Variants in IFT140 observed in about 807,000 individuals in gnomAD.
IFT140 encodes intraflagellar transport 140.
A neutral mutation model predicts 164.6 loss-of-function variants in IFT140; 133 were observed. The ratio of observed to expected loss-of-function variants is 0.81; its 90% confidence interval spans 0.70 to 0.93. The LOEUF (loss-of-function observed/expected upper bound fraction) is 0.93, where lower values mean the gene tolerates loss of function less well. Among genes scored for constraint, IFT140 ranks in the 40% least tolerant of loss-of-function variants. IFT140 has a pLI of 0.00. For synonymous variants in IFT140, 860 were observed against 817.3 expected (o/e 1.05, Z -0.89); for missense variants, 2,045 against 1,972.3 (o/e 1.04, Z -0.70).
intron 19 of IFT140, among the ~76,000 whole-genome samples, chr16:1,529,797 G>C (rs949460847): frequency 2.6e-5 from 4 of 152,206 alleles, no homozygotes; most frequent in African/African-American, 9.7e-5. Context: ...CAGCTGCCCC[G>C]TGCTGAGACA....
intron 18 of IFT140, among the ~76,000 whole-genome samples, chr16:1,559,977 AAC>A (rs2033315240): frequency 6.6e-6 from 1 of 152,250 alleles, no homozygotes; most frequent in Admixed American, 6.5e-5. Context: ...GAGAGAAAAG[AAC>A]AGATGCATGA....
rs2034934558 is a variant in IFT140, at chr16:1,587,255, T to C, written c.952A>G (p.Lys318Glu). 3.1e-6 allele frequency: 5 copies of C among 1,613,214 alleles called. No individual in the cohort carries two copies. Among genetic ancestry groups the C allele is most frequent in the Non-Finnish European group, 4.2e-6 (5 of 1,179,336 alleles). ...GENYILSPDE[K>E]FGFEKGENMN... ...TTCTCTCCTTTCTCAAAGCCAAACT[T>C]CTCATCTGGACTCAGTATATAATTC... The change falls in exon 9 of 31, where the codon AAG becomes GAG. Residue 318 changes from lysine (K) to glutamate (E), a missense_variant. Transcript: ENST00000426508.
chr16:1,602,247 G>T, intron 4 of IFT140, 123 bp downstream of exon 4: 1 of 861,692 alleles, frequency 1.2e-6, no homozygotes, highest in Non-Finnish European at 1.8e-6. Flanking sequence ...ATCTACAATT[G>T]CATCTGACAA....
At chr16:1,598,966 G>A (rs1437588281) in intron 4 of IFT140, among the ~76,000 whole-genome samples, 1 of 143,060 alleles carries the variant, frequency 7.0e-6, no homozygotes, top group Admixed American at 6.9e-5. Flanking sequence ...TCTAGGAAGT[G>A]AGGAGCGCCT....
chr16:1,519,318 C>T (rs981418866), intron 29 of IFT140, among the ~76,000 whole-genome samples: 1 of 152,326 alleles, frequency 6.6e-6, no homozygotes, highest in Admixed American at 6.5e-5. Flanking sequence ...GAGTGCCCAC[C>T]GTGGTGGCCA....
chr16:1,598,733 C>CA (rs2141993671), intron 4 of IFT140, among the ~76,000 whole-genome samples: 1 of 152,390 alleles, frequency 6.6e-6, no homozygotes, highest in African/African-American at 2.4e-5. Context: ...CCATCTGCAC[C>CA]CCCTTCTTGG....
chr16:1,563,624 A>G (rs2033548023), intron 17 of IFT140, among the ~76,000 whole-genome samples: 1 of 152,038 alleles, frequency 6.6e-6, no homozygotes, highest in Non-Finnish European at 1.5e-5. Context: ...GCTTTTCTGC[A>G]TAGCTCAAAA....
chr16:1,586,554 A>C (rs1193199577), intron 9 of IFT140, among the ~76,000 whole-genome samples: 1 of 152,170 alleles, frequency 6.6e-6, no homozygotes, highest in Non-Finnish European at 1.5e-5. Context: ...CAGGCACTAG[A>C]GACGCGGCTC....
chr16:1,554,967 T>C, intron 19 of IFT140: 1 of 1,614,012 alleles, frequency 6.2e-7, no homozygotes, highest in Non-Finnish European at 8.5e-7. Context: ...CATCAGCCGC[T>C]CCCTGACAGC....
chr16:1,566,283 G>T lies in IFT140; in HGVS notation c.1779C>A (p.Asn593Lys). Reference sequence around the variant, plus strand: ...AGAAGCAGATTTTGGAATCAGGGCTGTTGTCAGCCTAGGAGAAGAGAAAAC... The same window carrying T: ...AGAAGCAGATTTTGGAATCAGGGCTTTTGTCAGCCTAGGAGAAGAGAAAAC... Reference protein sequence around the residue: ...TISILPSKADNSPDSKICFYD... With the variant: ...TISILPSKADKSPDSKICFYD... The change falls in exon 16 of 31, where the codon AAC (asparagine) becomes AAA (lysine). Residue 593 changes from asparagine to lysine, a missense_variant. Coordinates refer to ENST00000426508, the MANE Select transcript of IFT140 (RefSeq NM_014714.4). 1 of 1,613,404 alleles carries T rather than the reference G, an allele frequency of 6.2e-7. No homozygotes were observed. The highest frequency in any genetic ancestry group is 8.5e-7 in the Non-Finnish European group (1 of 1,179,456).
At position 1,553,381 on chromosome 16, in the gene IFT140, G is replaced by T. The variant is rs535097105; in HGVS notation, c.2399+4554C>A. ...CGATGCTGGGGCCACACAGGGCAGGGCATGATTTGGTTTCCTGGGGAATGC... is the reference window on the plus strand; with the variant it reads ...CGATGCTGGGGCCACACAGGGCAGGTCATGATTTGGTTTCCTGGGGAATGC... On this transcript the variant is annotated intron_variant, in intron 19 of 30. Coordinates refer to ENST00000426508, the MANE Select transcript of IFT140 (RefSeq NM_014714.4). This position sits in a 1 kb window ranked among gnomAD's most constrained non-coding sequence, Gnocchi z 4.4. 1.0e-6 allele frequency: 1 copy of T among 985,352 alleles called. No homozygotes were observed. Among genetic ancestry groups the T allele is most frequent in the African/African-American group, 1.7e-5 (1 of 57,334 alleles). The allele number at this position is 985,352 out of a possible 1,614,324, so 61.0% of individuals were successfully genotyped here. A position where few individuals can be genotyped will look rare whatever the true frequency, so the allele number is the denominator to read the frequency against.
chr16:1,523,800 C>T (rs961190410), intron 25 of IFT140, 28 bp downstream of exon 25: 1 of 1,609,012 alleles, frequency 6.2e-7, no homozygotes, highest in Non-Finnish European at 8.5e-7. Flanking sequence ...GCCCCTCCCC[C>T]AGGTCCCCAC....
At position 1,524,771 on chromosome 16, in the gene IFT140, G is replaced by A; in HGVS notation, c.2997+13C>T. 3 of 1,600,704 alleles carry A rather than the reference G, an allele frequency of 1.9e-6. No homozygotes were observed. Among genetic ancestry groups the A allele is most frequent in the Non-Finnish European group, 2.6e-6 (3 of 1,169,396 alleles). Reference sequence around the variant, plus strand: ...TCGTGTCCGCCTGGCCGGCTCCCCTGCGGGGACCTTACCTTCTGGACATTG... The same window carrying A: ...TCGTGTCCGCCTGGCCGGCTCCCCTACGGGGACCTTACCTTCTGGACATTG... On this transcript the variant is annotated intron_variant, in intron 23 of 30. Coordinates refer to ENST00000426508, the MANE Select transcript of IFT140 (RefSeq NM_014714.4).
chr16:1,512,945 T>C (rs542939750), intron 30 of IFT140: 4 of 152,334 alleles, frequency 2.6e-5, no homozygotes, highest in African/African-American at 9.6e-5. Context: ...GAGCTGACCT[T>C]TCAGCCCTGA....
intron 15 of IFT140, among the ~76,000 whole-genome samples, chr16:1,566,519 T>A (rs2033725954): frequency 6.6e-6 from 1 of 152,204 alleles, no homozygotes; most frequent in Admixed American, 6.5e-5. Context: ...TGGAGTGCAG[T>A]GGTGCGATCT....
Position 1,582,693 on chromosome 16 carries a change from C to G in IFT140, c.1432+621G>C, listed in dbSNP as rs150918746. Among the ~76,000 whole-genome samples, 16 of 152,354 alleles carry G rather than the reference C, an allele frequency of 1.1e-4. No homozygotes were observed. The East Asian group carries it at 3.1e-3, about 29-fold the overall frequency. On this transcript the variant is annotated intron_variant, in intron 12 of 30. Transcript: ENST00000426508. ...CCGAGGCAGGCAAATCACCTGAGGT[C>G]AGGAGTTCGAGACCAGCCTGGCCAA...
chr16:1,586,625 A>T (rs1042507919), intron 9 of IFT140, among the ~76,000 whole-genome samples: 1 of 134,016 alleles, frequency 7.5e-6, no homozygotes, highest in Non-Finnish European at 1.6e-5. Context: ...ACACACATGC[A>T]TGCACACACA....
chr16:1,510,744 G>C lies in IFT140; in HGVS notation c.*200C>G. The stretch of plus-strand genomic sequence containing the variant: ...ATCTAGTGGAGCTGCCGGGCACCCA[G>C]AGGCAGGTGGGACAGAGCAAGGTGC... On this transcript the variant is annotated 3_prime_UTR_variant, in exon 31 of 31. Coordinates refer to ENST00000426508, the MANE Select transcript of IFT140 (RefSeq NM_014714.4). The C allele has an allele frequency of 1.7e-6, 1 of 602,548 alleles. No homozygotes were observed. The highest frequency in any genetic ancestry group is 2.9e-6 in the Non-Finnish European group (1 of 340,562). 37.3% of individuals were successfully genotyped at this position (602,548 alleles called of 1,614,324 possible). A position where few individuals can be genotyped will look rare whatever the true frequency, so the allele number is the denominator to read the frequency against.
chr16:1,511,836 CAGGACGTAAGGG>C (rs1878479942), intron 30 of IFT140, among the ~76,000 whole-genome samples: 1 of 151,782 alleles, frequency 6.6e-6, no homozygotes, highest in African/African-American at 2.4e-5. Context: ...ACAGGGGACA[CAGGACGTAAGGG>C]CACAGAACAA....
Sources: allele counts gnomAD v4.1 joint callset (sites outside exome capture counted in the v4.1 genomes callset), GRCh38; gene constraint gnomAD v4.1.1; non-coding constraint Gnocchi (gnomAD v3.1); transcripts MANE v1.5; gene names NCBI Gene and HGNC (gene_info 2026-07-23, HGNC 2026-07-21).